CAB39: variants seen among roughly 807,000 people sequenced by gnomAD.
CAB39 encodes calcium binding protein 39.
Under a neutral mutation model 40.0 loss-of-function variants are expected in CAB39, and 8 were observed. The ratio of observed to expected loss-of-function variants is 0.20; its 90% CI spans 0.12 to 0.36. The LOEUF is 0.36. Among genes scored for constraint, CAB39 ranks in the 10% least tolerant of loss-of-function variants. CAB39 has a pLI of 1.00. For missense variants in CAB39, 270 were observed against 401.1 expected, an observed-to-expected ratio of 0.67 and a Z score of 2.79; for synonymous variants, 156 against 141.6, an observed-to-expected ratio of 1.10 and a Z score of -0.72.
rs962991420 is a variant in CAB39, at chr2:230,818,019, C to T, written c.837+122C>T. Reference sequence around the variant, plus strand: ...CAGGTGACTTAATTAAATTCAGTCACTTTTCATATTTGTGTGCTATGACTT... The same window carrying T: ...CAGGTGACTTAATTAAATTCAGTCATTTTTCATATTTGTGTGCTATGACTT... On this transcript the variant is annotated intron_variant, in intron 8 of 8. Transcript: ENST00000258418. 4 of 867,476 alleles carry T rather than the reference C, an allele frequency of 4.6e-6. No individual in the cohort carries two copies. The African/African-American group carries it at 5.2e-5, about 11-fold the overall frequency. The allele number at this position is 867,476 out of a possible 1,614,324, so 53.7% of individuals were successfully genotyped here. A position where few individuals can be genotyped will look rare whatever the true frequency, so the allele number is the denominator to read the frequency against.
chr2:230,772,808 A>G (rs1030863627), intron 2 of CAB39, among the ~76,000 whole-genome samples: 4 of 152,016 alleles, frequency 2.6e-5, no homozygotes, highest in African/African-American at 4.8e-5. Context: ...TTTTAAACCA[A>G]ACTCGAACCA....
In CAB39 at chr2:230,793,261, A is replaced by T; in HGVS notation, c.328A>T (p.Ile110Phe). Residue 110 changes from isoleucine (I) to phenylalanine (F), a missense_variant, in exon 4 of 9, where the codon ATT (isoleucine) becomes TTT (phenylalanine). By Grantham distance (21) the Ile-to-Phe change is conservative (BLOSUM62 0). Transcript: ENST00000258418. ...QIFNNILRRQIGTRTPTVEYI... is the reference protein window; with the variant it reads ...QIFNNILRRQFGTRTPTVEYI... ...TTTCAACAATATTCTCAGAAGACAA[A>T]TTGGTACGAGAACTCCTACTGTTGA... 1 of 1,612,938 alleles carries T rather than the reference A, an allele frequency of 6.2e-7. No homozygotes were observed. Among genetic ancestry groups the T allele is most frequent in the Non-Finnish European group, 8.5e-7 (1 of 1,179,318 alleles).
chr2:230,761,060 A>ATTTTTTT (rs60147780), intron 2 of CAB39, among the ~76,000 whole-genome samples: 1 of 143,022 alleles, frequency 7.0e-6, no homozygotes. Flanking sequence ...CAGAGTTTGG[A>ATTTTTTT]TTTTTTTTTT....
At chr2:230,767,101 A>G (rs1695399532) in intron 2 of CAB39, among the ~76,000 whole-genome samples, 1 of 152,200 alleles carries the variant, frequency 6.6e-6, no homozygotes, top group East Asian at 1.9e-4. Flanking sequence ...TTCCCAAATC[A>G]TGCTTAAAGC....
At position 230,818,764 on chromosome 2, in the gene CAB39, C is replaced by A; in HGVS notation, c.*60C>A. 1 of 1,302,136 alleles carries A rather than the reference C, an allele frequency of 7.7e-7. No homozygotes were observed. The highest frequency in any genetic ancestry group is 1.1e-6 in the Non-Finnish European group (1 of 914,056). 80.7% of individuals were successfully genotyped at this position (1,302,136 alleles called of 1,614,324 possible). On this transcript the variant is annotated 3_prime_UTR_variant, in exon 9 of 9. Transcript: ENST00000258418. ...GCATTTGCTGTTAGCTATTCAGCAT[C>A]AGGCACTCTTATTGATTCATGAGGA... is the stretch of plus-strand genomic sequence containing the variant.
chr2:230,781,839 A>C (rs1695691970), intron 2 of CAB39, among the ~76,000 whole-genome samples: 1 of 152,234 alleles, frequency 6.6e-6, no homozygotes, highest in Non-Finnish European at 1.5e-5. Flanking sequence ...AAACTAAACA[A>C]GAACAACCAA....
intron 4 of CAB39, among the ~76,000 whole-genome samples, chr2:230,797,872 T>C (rs1696017615): frequency 6.6e-6 from 1 of 152,150 alleles, no homozygotes; most frequent in African/African-American, 2.4e-5. Flanking sequence ...TGGCCCGTTA[T>C]TTCACTAGTG....
intron 7 of CAB39, among the ~76,000 whole-genome samples, chr2:230,815,799 C>CGGTGG (rs1283239255): frequency 6.6e-6 from 1 of 152,158 alleles, no homozygotes; most frequent in Non-Finnish European, 1.5e-5. Flanking sequence ...TTTATGTTAG[C>CGGTGG]GGTGGGCCTG....
chr2:230,771,742 T>C (rs1406007348), intron 2 of CAB39, among the ~76,000 whole-genome samples: 2 of 152,192 alleles, frequency 1.3e-5, no homozygotes, highest in East Asian at 3.8e-4. Context: ...GTGGTGTCAG[T>C]GCAAAGATAG....
intron 1 of CAB39, among the ~76,000 whole-genome samples, chr2:230,734,711 G>A (rs1694754567): frequency 6.6e-6 from 1 of 152,124 alleles, no homozygotes; most frequent in Non-Finnish European, 1.5e-5. Context: ...AGTCTTAAAT[G>A]TAGGCCCTGC....
chr2:230,789,817 T>A (rs2124955616), intron 2 of CAB39, among the ~76,000 whole-genome samples: 1 of 152,372 alleles, frequency 6.6e-6, no homozygotes, highest in East Asian at 1.9e-4. Context: ...ACACCTCTTC[T>A]GGCTGGCTCC....
chr2:230,784,213 G>A (rs1285246831), intron 2 of CAB39, among the ~76,000 whole-genome samples: 2 of 152,132 alleles, frequency 1.3e-5, no homozygotes, highest in African/African-American at 4.8e-5. Flanking sequence ...TTTCTGACGT[G>A]TAGTAACATC....
chr2:230,766,317 A>G (rs1041833381), intron 2 of CAB39, among the ~76,000 whole-genome samples: 1 of 152,238 alleles, frequency 6.6e-6, no homozygotes, highest in African/African-American at 2.4e-5. Context: ...TTGTAGAGGT[A>G]TTTATAAACA....
chr2:230,813,292 A>G (rs1478578294), intron 6 of CAB39, among the ~76,000 whole-genome samples: 3 of 152,184 alleles, frequency 2.0e-5, no homozygotes, highest in African/African-American at 7.2e-5. Context: ...AGCCTTCACC[A>G]TCCAGCAGTG....
At chr2:230,793,521 A>G (rs1186650555) in intron 4 of CAB39, among the ~76,000 whole-genome samples, 190 bp downstream of exon 4, 1 of 152,256 alleles carries the variant, frequency 6.6e-6, no homozygotes, top group Non-Finnish European at 1.5e-5. Flanking sequence ...AATGCCCTAC[A>G]GGTGGGAATT....
At chr2:230,717,563 G>A (rs932867726) in intron 1 of CAB39, among the ~76,000 whole-genome samples, 6 of 152,156 alleles carry the variant, frequency 3.9e-5, no homozygotes, top group Non-Finnish European at 8.8e-5. Flanking sequence ...TACTTCTGCC[G>A]TCACCATTTG....
chr2:230,717,694 A>C (rs1694375999), intron 1 of CAB39, among the ~76,000 whole-genome samples: 1 of 152,236 alleles, frequency 6.6e-6, no homozygotes, highest in Non-Finnish European at 1.5e-5. Context: ...GGTGGTGATG[A>C]AATCAGGTTA....
intron 5 of CAB39, among the ~76,000 whole-genome samples, chr2:230,807,424 A>G (rs531060556): frequency 4.3e-5 from 2 of 46,290 alleles, no homozygotes; most frequent in East Asian, 6.5e-4. Context: ...CCAACCCCCC[A>G]CCCCAGGCCT....
At chr2:230,716,550 T>C (rs1186639329) in intron 1 of CAB39, among the ~76,000 whole-genome samples, 1 of 152,222 alleles carries the variant, frequency 6.6e-6, no homozygotes, top group Non-Finnish European at 1.5e-5. Context: ...TCCAGCTCTA[T>C]TTTATTTTTT....
Sources: allele counts gnomAD v4.1 joint callset (sites outside exome capture counted in the v4.1 genomes callset), GRCh38; gene constraint gnomAD v4.1.1; transcripts MANE v1.5; gene names NCBI Gene and HGNC (gene_info 2026-07-23, HGNC 2026-07-21).